Variants in UNC13B observed in about 807,000 individuals in gnomAD.
The protein encoded by UNC13B is unc-13 homolog B.
In UNC13B, 144 loss-of-function variants were observed where a neutral mutation model predicts 211.0. That is an observed-to-expected ratio of 0.68 (90% CI 0.60 to 0.78). UNC13B has a LOEUF of 0.78. Among genes scored for constraint, UNC13B ranks in the 30% least tolerant of loss-of-function variants. The probability of loss-of-function intolerance (pLI) is 0.00; values close to 1 mark genes in which losing one functional copy is unlikely to be tolerated. For synonymous variants in UNC13B, 709 were observed against 725.8 expected (o/e 0.98, Z 0.37); for missense variants, 1,777 against 2,002.0 (o/e 0.89, Z 2.14).
intron 7 of UNC13B, among the ~76,000 whole-genome samples, chr9:35,264,035 G>A (rs929157282): frequency 1.3e-5 from 2 of 152,302 alleles, no homozygotes; most frequent in African/African-American, 2.4e-5. Flanking sequence ...GTGGATTGTT[G>A]CTGAAACAAA....
rs754971809 is a variant in UNC13B, at chr9:35,380,568, A to C, written c.10304A>C (p.Asp3435Ala). The C allele has an allele frequency of 6.2e-7, 1 of 1,614,228 alleles. No individual in the cohort carries two copies. Among genetic ancestry groups the C allele is most frequent in the Admixed American group, 1.7e-5 (1 of 60,032 alleles). The stretch of plus-strand genomic sequence containing the variant: ...AAGCAACGCCTAAAGCGAGAGTCTG[A>C]TGATTTCCTTGGCCAAACCATCATT... ...RVKQRLKRES[D>A]DFLGQTIIEV... The change falls in exon 18 of 40, where the codon GAT becomes GCT. Residue 3435 changes from aspartate (D) to alanine (A), a missense_variant. Asp to Ala is a moderately radical substitution (Grantham distance 126). Transcript: ENST00000635942.
intron 13 of UNC13B, among the ~76,000 whole-genome samples, chr9:35,371,192 C>A (rs930524672): frequency 6.6e-6 from 1 of 151,818 alleles, no homozygotes. Flanking sequence ...TCCTAACCAC[C>A]CCTCTTCCCT....
chr9:35,401,253 G>A (rs1294101363), intron 37 of UNC13B, among the ~76,000 whole-genome samples: 1 of 152,142 alleles, frequency 6.6e-6, no homozygotes, highest in African/African-American at 2.4e-5. Context: ...GTGAATCTGG[G>A]GCACAGGGCT....
Position 35,404,340 on chromosome 9 carries a change from A to C in UNC13B, c.*307A>C. 5.1e-6 allele frequency: 2 copies of C among 390,992 alleles called. No individual in the cohort carries two copies. Among genetic ancestry groups the C allele is most frequent in the African/African-American group, 2.0e-5 (1 of 49,538 alleles). 24.2% of individuals were successfully genotyped at this position (390,992 alleles called of 1,614,324 possible). On this transcript the variant is annotated 3_prime_UTR_variant, in exon 40 of 40. Coordinates refer to ENST00000635942, the MANE Select transcript of UNC13B (RefSeq NM_001371189.2). Reference sequence around the variant, plus strand: ...AGCCATTCTTGGTAGACACCTCTCCACTCCTCATCCCACCTCTACCCATCT... The same window carrying C: ...AGCCATTCTTGGTAGACACCTCTCCCCTCCTCATCCCACCTCTACCCATCT...
At chr9:35,367,627 T>C (rs1833857543) in intron 12 of UNC13B, among the ~76,000 whole-genome samples, 1 of 135,670 alleles carries the variant, frequency 7.4e-6, no homozygotes, top group Admixed American at 7.1e-5. Context: ...GTTGATGGTG[T>C]GGCTGATTAA....
At chr9:35,315,612 A>T (rs1014620084) in intron 11 of UNC13B, among the ~76,000 whole-genome samples, 1 of 152,202 alleles carries the variant, frequency 6.6e-6, no homozygotes, top group African/African-American at 2.4e-5. Context: ...TATAACCATG[A>T]TATAACCATT....
At position 35,375,946 on chromosome 9, in the gene UNC13B, C is replaced by G. The variant is rs1834372721; in HGVS notation, c.9616-82C>G. 4 of 1,442,518 alleles carry G rather than the reference C, an allele frequency of 2.8e-6. No individual in the cohort carries two copies. The African/African-American group carries it at 4.2e-5, about 15-fold the overall frequency. The allele number at this position is 1,442,518 out of a possible 1,614,324, so 89.4% of individuals were successfully genotyped here. A position where few individuals can be genotyped will look rare whatever the true frequency, so the allele number is the denominator to read the frequency against. ...AATGAGCCGAGATCATACCACTGCA[C>G]TCCAGCCTGGGCAACAGAGCAAGAC... On this transcript the variant is annotated intron_variant, in intron 14 of 39. Coordinates refer to ENST00000635942, the MANE Select transcript of UNC13B (RefSeq NM_001371189.2).
At chr9:35,172,466 C>T (rs1298561964) in intron 1 of UNC13B, among the ~76,000 whole-genome samples, 1 of 152,112 alleles carries the variant, frequency 6.6e-6, no homozygotes, top group East Asian at 1.9e-4. Flanking sequence ...TCTTAATCCT[C>T]CCTCTCCTGT....
chr9:35,368,721 G>GTCTTTT (rs747654839), intron 12 of UNC13B, among the ~76,000 whole-genome samples: 2 of 135,774 alleles, frequency 1.5e-5, no homozygotes, highest in African/African-American at 5.3e-5. Flanking sequence ...GTCAGTATCT[G>GTCTTTT]TTTTTTTTTT....
At chr9:35,245,193 T>G (rs1257826522) in intron 6 of UNC13B, among the ~76,000 whole-genome samples, 1 of 152,034 alleles carries the variant, frequency 6.6e-6, no homozygotes, top group Non-Finnish European at 1.5e-5. Flanking sequence ...CTTTGCTCTG[T>G]GTCATTATAC....
In UNC13B at chr9:35,384,249, G is replaced by C; in HGVS notation, c.10810G>C (p.Glu3604Gln). Residue 3604 changes from glutamate (E) to glutamine (Q), a missense_variant, in exon 22 of 40, where the codon GAG becomes CAG. Transcript: ENST00000635942. ...TTTATTTGTTTCTCACCCTCAGAAA[G>C]AGAGATTTGTAAAACTGCTGGACCA... ...DRFAASNFGKERFVKLLDQLH... is the reference protein window; with the variant it reads ...DRFAASNFGKQRFVKLLDQLH... The C allele has an allele frequency of 6.2e-7, 1 of 1,613,976 alleles. No individual in the cohort carries two copies. Among genetic ancestry groups the C allele is most frequent in the Non-Finnish European group, 8.5e-7 (1 of 1,179,922 alleles).
At chr9:35,274,804 C>T (rs1216785046) in intron 7 of UNC13B, among the ~76,000 whole-genome samples, 1 of 152,108 alleles carries the variant, frequency 6.6e-6, no homozygotes, top group African/African-American at 2.4e-5. Context: ...GCTATTTAGT[C>T]CCTACACCAG....
At chr9:35,170,452 C>T (rs1472503803) in intron 1 of UNC13B, among the ~76,000 whole-genome samples, 1 of 151,894 alleles carries the variant, frequency 6.6e-6, no homozygotes, top group Admixed American at 6.6e-5. Context: ...AGATGTGAGC[C>T]ACCACGCCCA....
At chr9:35,251,970 C>A (rs1278568534) in intron 6 of UNC13B, among the ~76,000 whole-genome samples, 1 of 152,196 alleles carries the variant, frequency 6.6e-6, no homozygotes. Context: ...AGTTTACAAG[C>A]ATGGGACACC....
At chr9:35,341,807 C>A in intron 11 of UNC13B, 1 of 414,964 alleles carries the variant, frequency 2.4e-6, no homozygotes, top group Non-Finnish European at 3.2e-6. Context: ...GTGAGGAGGG[C>A]TGGTGCCCTA....
intron 7 of UNC13B, among the ~76,000 whole-genome samples, chr9:35,260,984 T>G (rs1827241515): frequency 6.6e-6 from 1 of 152,246 alleles, no homozygotes. Context: ...CAAGCAACTT[T>G]ATTCCCATAC....
chr9:35,254,119 T>C lies in UNC13B; in HGVS notation c.469-4874T>C, dbSNP rs569387409. 2.0e-5 allele frequency among the ~76,000 whole-genome samples: 3 copies of C among 152,262 alleles called. No homozygotes were observed. In the East Asian group the frequency reaches 5.8e-4, roughly 29 times the overall value. Reference sequence around the variant, plus strand: ...TTTAATATACATCAGTGGTTGAAGATCCCTACCCTCATGGATCACATAGGC... The same window carrying C: ...TTTAATATACATCAGTGGTTGAAGACCCCTACCCTCATGGATCACATAGGC... On this transcript the variant is annotated intron_variant, in intron 6 of 39. Coordinates refer to ENST00000635942, the MANE Select transcript of UNC13B (RefSeq NM_001371189.2).
intron 11 of UNC13B, among the ~76,000 whole-genome samples, chr9:35,339,744 G>T (rs950655057): frequency 3.3e-5 from 5 of 152,248 alleles, no homozygotes; most frequent in African/African-American, 1.2e-4. Context: ...TTTCTGGAAA[G>T]CCCAAGCTGC....
intron 1 of UNC13B, among the ~76,000 whole-genome samples, chr9:35,214,456 CAAG>C (rs1388292733): frequency 6.6e-6 from 1 of 151,638 alleles, no homozygotes; most frequent in African/African-American, 2.4e-5. Flanking sequence ...ACAACAACAA[CAAG>C]AACAAAACAA....
Sources: allele counts gnomAD v4.1 joint callset (sites outside exome capture counted in the v4.1 genomes callset), GRCh38; gene constraint gnomAD v4.1.1; transcripts MANE v1.5; gene names NCBI Gene and HGNC (gene_info 2026-07-23, HGNC 2026-07-21).